Variants in CACNA2D1 observed in about 807,000 individuals in gnomAD.
CACNA2D1 encodes the protein calcium voltage-gated channel auxiliary subunit alpha2delta 1.
In CACNA2D1, 53 loss-of-function variants were observed where a neutral mutation model predicts 171.5. The ratio of observed to expected loss-of-function variants is 0.31; its 90% CI spans 0.25 to 0.39. The LOEUF is 0.39. CACNA2D1 is among the 10% of genes least tolerant of loss of function. The probability of loss-of-function intolerance (pLI) is 1.00; values close to 1 mark genes in which losing one functional copy is unlikely to be tolerated. For synonymous variants in CACNA2D1, 442 were observed against 443.1 expected (o/e 1.00, Z 0.03); for missense variants, 903 against 1,299.8 (o/e 0.69, Z 4.69).
chr7:82,165,562 T>C (rs957979011), intron 4 of CACNA2D1, among the ~76,000 whole-genome samples: 1 of 152,026 alleles, frequency 6.6e-6, no homozygotes, highest in Non-Finnish European at 1.5e-5. Flanking sequence ...TTTATGCTGG[T>C]GTTGTAATAC....
intron 3 of CACNA2D1, among the ~76,000 whole-genome samples, chr7:82,201,162 C>T (rs112381179): frequency 4.5e-4 from 69 of 152,128 alleles, no homozygotes; most frequent in African/African-American, 1.6e-3. Context: ...AGCAGTAGCT[C>T]GACAGATCTT....
At chr7:82,411,150 T>C (rs1827603483) in intron 1 of CACNA2D1, among the ~76,000 whole-genome samples, 1 of 152,166 alleles carries the variant, frequency 6.6e-6, no homozygotes, top group South Asian at 2.1e-4. Context: ...GTTAGCAACA[T>C]CTTTTAATGG....
chr7:82,366,047 G>A (rs1243820172), intron 1 of CACNA2D1, among the ~76,000 whole-genome samples: 1 of 152,082 alleles, frequency 6.6e-6, no homozygotes, highest in African/African-American at 2.4e-5. Context: ...GAACCAAATG[G>A]CAAATAATAC....
At chr7:82,318,513 T>G (rs1815381023) in intron 3 of CACNA2D1, among the ~76,000 whole-genome samples, 1 of 152,094 alleles carries the variant, frequency 6.6e-6, no homozygotes, top group Non-Finnish European at 1.5e-5. Context: ...ATTACCAAAT[T>G]CACCACACAT....
chr7:81,995,052 TA>T (rs1410483050), intron 19 of CACNA2D1, 113 bp from the exon 20 acceptor site: 2 of 625,618 alleles, frequency 3.2e-6, no homozygotes, highest in Non-Finnish European at 5.8e-6. Flanking sequence ...ACAAATAAAA[TA>T]AAAATAGGGG....
intron 5 of CACNA2D1, among the ~76,000 whole-genome samples, chr7:82,120,020 A>C (rs1249549178): frequency 6.6e-6 from 1 of 152,084 alleles, no homozygotes; most frequent in Non-Finnish European, 1.5e-5. Flanking sequence ...TCATCTCTAC[A>C]AAAAATTTAA....
At chr7:81,970,152 GCA>G (rs1795118394) in intron 27 of CACNA2D1, among the ~76,000 whole-genome samples, 168 bp from the exon 28 acceptor site, 2 of 151,370 alleles carry the variant, frequency 1.3e-5, no homozygotes, top group South Asian at 4.1e-4. Context: ...CAATGCATCA[GCA>G]TAGCACTAAA....
chr7:82,320,757 T>A (rs1055413616), intron 3 of CACNA2D1, among the ~76,000 whole-genome samples: 2 of 151,986 alleles, frequency 1.3e-5, no homozygotes, highest in Admixed American at 1.3e-4. Flanking sequence ...ATGACTTAAG[T>A]ATAATAAAGC....
Position 82,344,683 on chromosome 7 carries a change from T to C in CACNA2D1, c.177+4885A>G, listed in dbSNP as rs1197992730. 5.3e-5 allele frequency among the ~76,000 whole-genome samples: 8 copies of C among 152,150 alleles called. No homozygotes were observed. The East Asian group carries it at 1.5e-3, about 29-fold the overall frequency. ...ACTCTCTGCATTCTTTATAGTGCTA[T>C]ATTCTGCAGTCAAAATAGATTTCTT... On this transcript the variant is annotated intron_variant, in intron 2 of 38. Transcript: ENST00000356860.
chr7:82,254,100 C>A, intron 3 of CACNA2D1, among the ~76,000 whole-genome samples: 1 of 152,126 alleles, frequency 6.6e-6, no homozygotes, highest in African/African-American at 2.4e-5. Context: ...TCGAATTATA[C>A]ATCATTAAAA....
At chr7:82,101,645 G>C (rs985158470) in intron 6 of CACNA2D1, among the ~76,000 whole-genome samples, 1 of 152,060 alleles carries the variant, frequency 6.6e-6, no homozygotes, top group Admixed American at 6.5e-5. Context: ...TTCAATTAAG[G>C]TGAGTATAGC....
chr7:82,153,874 G>T (rs964679945), intron 4 of CACNA2D1, among the ~76,000 whole-genome samples: 1 of 151,564 alleles, frequency 6.6e-6, no homozygotes, highest in Non-Finnish European at 1.5e-5. Flanking sequence ...GAACAGCACA[G>T]TTAAAAATAA....
chr7:82,294,732 T>C (rs955152383), intron 3 of CACNA2D1, among the ~76,000 whole-genome samples: 1 of 152,096 alleles, frequency 6.6e-6, no homozygotes, highest in Admixed American at 6.6e-5. Flanking sequence ...AGAAGAAAAT[T>C]TAAACCAACA....
At chr7:82,356,443 C>T (rs1820431415) in intron 1 of CACNA2D1, among the ~76,000 whole-genome samples, 2 of 152,082 alleles carry the variant, frequency 1.3e-5, no homozygotes, top group South Asian at 2.1e-4. Context: ...ACTTCCCAAA[C>T]TAAAAATATT....
chr7:81,999,405 C>A lies in CACNA2D1; in HGVS notation c.1591-2155G>T, dbSNP rs535878702. 1.4e-4 allele frequency among the ~76,000 whole-genome samples: 21 copies of A among 152,168 alleles called. No homozygotes were observed. In the South Asian group the frequency reaches 4.4e-3, roughly 32 times the overall value. On this transcript the variant is annotated intron_variant, in intron 18 of 38. Transcript: ENST00000356860. ...ATTGTTTTTGTCTGATATTAAAATA[C>A]CTAGTATTTCTCATTTGCAAAATTT...
intron 5 of CACNA2D1, 38 bp downstream of exon 5, chr7:82,136,597 A>G: frequency 6.7e-7 from 1 of 1,500,282 alleles, no homozygotes; most frequent in Non-Finnish European, 9.2e-7. Context: ...TTTTACTATA[A>G]TTTTCTTGGA....
chr7:82,006,729 A>T (rs1799158573), intron 16 of CACNA2D1, among the ~76,000 whole-genome samples: 1 of 152,112 alleles, frequency 6.6e-6, no homozygotes. Context: ...TGAGAAAGTG[A>T]GAGTTACTCT....
intron 4 of CACNA2D1, among the ~76,000 whole-genome samples, chr7:82,168,336 GT>G (rs1456957772): frequency 6.6e-6 from 1 of 152,028 alleles, no homozygotes; most frequent in African/African-American, 2.4e-5. Context: ...TGGAGATAGG[GT>G]TTCTCCATGT....
At chr7:82,209,194 G>A (rs1585104756) in intron 3 of CACNA2D1, among the ~76,000 whole-genome samples, 1 of 152,148 alleles carries the variant, frequency 6.6e-6, no homozygotes, top group Non-Finnish European at 1.5e-5. Flanking sequence ...ATGTCTGGGG[G>A]AAATTAAACT....
Sources: allele counts gnomAD v4.1 joint callset (sites outside exome capture counted in the v4.1 genomes callset), GRCh38; gene constraint gnomAD v4.1.1; transcripts MANE v1.5; gene names NCBI Gene and HGNC (gene_info 2026-07-23, HGNC 2026-07-21).